The following SPRYD7 variants were observed in gnomAD, a reference collection of about 807,000 sequenced individuals.
The protein encoded by SPRYD7 is SPRY domain containing 7, also known as SPRY domain-containing protein 7.
Under a neutral mutation model 23.8 loss-of-function variants are expected in SPRYD7, and 14 were observed. That is an observed-to-expected ratio of 0.59 (90% CI 0.39 to 0.92). SPRYD7 has a LOEUF of 0.92. Among genes scored for constraint, SPRYD7 ranks in the 40% least tolerant of loss-of-function variants. SPRYD7 has a pLI of 0.00. For synonymous variants in SPRYD7, 75 were observed against 84.9 expected, an observed-to-expected ratio of 0.88 and a Z score of 0.64; for missense variants, 194 against 241.7, an observed-to-expected ratio of 0.80 and a Z score of 1.31.
In SPRYD7 at chr13:49,934,106, A is replaced by T. The variant is rs190776897; in HGVS notation, c.106+2024T>A. On this transcript the variant is annotated intron_variant, in intron 1 of 4. Coordinates refer to ENST00000361840, the MANE Select transcript of SPRYD7 (RefSeq NM_020456.4). ...GTTATTTAATATAATAATCTTTCAC[A>T]CCACCAAATCCATGTGTTTCTATTT... 1.5e-3 allele frequency among the ~76,000 whole-genome samples: 231 copies of T among 152,090 alleles called. 3 individuals carry two copies. Among genetic ancestry groups the T allele is most frequent in the Admixed American group, 0.012 (190 of 15,276 alleles).
chr13:49,936,022 TCGCCGGCGCGGCGGGGCAGCGTGGGGACC>T, intron 1 of SPRYD7, 79 bp downstream of exon 1: 1 of 595,404 alleles, frequency 1.7e-6, no homozygotes, highest in Non-Finnish European at 2.7e-6. Context: ...CGGCGCAGCG[TCGCCGGCGCGGCGGGGCAGCGTGGGGACC>T]CTCTGACCCT....
intron 3 of SPRYD7, among the ~76,000 whole-genome samples, chr13:49,926,761 T>G (rs1317390694): frequency 6.6e-6 from 1 of 152,218 alleles, no homozygotes; most frequent in Non-Finnish European, 1.5e-5. Flanking sequence ...AGAATCCTTC[T>G]CTCATTATTC....
Position 49,936,121 on chromosome 13 carries a change from G to A in SPRYD7, c.106+9C>T. On this transcript the variant is annotated intron_variant, in intron 1 of 4. Coordinates refer to ENST00000361840, the MANE Select transcript of SPRYD7 (RefSeq NM_020456.4). ...GAGCCGTTGGGTCTGGGGAAGGGAG[G>A]GCCCTTACCCATGTGCTGCGTGTCC... 6.3e-7 allele frequency: 1 copy of A among 1,577,546 alleles called. No individual in the cohort carries two copies.
At chr13:49,927,688 A>G (rs1321346553) in intron 3 of SPRYD7, among the ~76,000 whole-genome samples, 2 of 152,184 alleles carry the variant, frequency 1.3e-5, no homozygotes, top group African/African-American at 4.8e-5. Flanking sequence ...CAGAGTAGAA[A>G]TAAGGGTTCA....
At chr13:49,934,284 G>A (rs2897794) in intron 1 of SPRYD7, among the ~76,000 whole-genome samples, 12,700 of 152,012 alleles carry the variant, frequency 0.084, 1,363 homozygotes, top group East Asian at 0.53. Context: ...CTGGCCGGGC[G>A]TGGTGGCTCA....
chr13:49,934,561 A>G (rs1035657863), intron 1 of SPRYD7, among the ~76,000 whole-genome samples: 1 of 143,872 alleles, frequency 7.0e-6, no homozygotes, highest in African/African-American at 2.7e-5. Flanking sequence ...GTCTCAAAAA[A>G]AAAAAAAAAA....
intron 3 of SPRYD7, among the ~76,000 whole-genome samples, chr13:49,923,315 C>T (rs1675550002): frequency 6.6e-6 from 1 of 152,034 alleles, no homozygotes; most frequent in South Asian, 2.1e-4. Context: ...ATGATCTTGG[C>T]TCACTGCAAC....
In SPRYD7 at chr13:49,936,330, G is replaced by C. The variant is rs1871634458; in HGVS notation, c.-95C>G. On this transcript the variant is annotated 5_prime_UTR_variant, in exon 1 of 5. Coordinates refer to ENST00000361840, the MANE Select transcript of SPRYD7 (RefSeq NM_020456.4). The stretch of plus-strand genomic sequence containing the variant: ...GTCTCCTGCCCCCGCCCGAGGTCCG[G>C]ACTTGTCTATGTGGAGCTCGGAGGC... The C allele has an allele frequency of 1.2e-6, 1 of 868,814 alleles. No homozygotes were observed. The highest frequency in any genetic ancestry group is 1.7e-5 in the African/African-American group (1 of 57,498). 53.8% of individuals were successfully genotyped at this position (868,814 alleles called of 1,614,324 possible).
intron 4 of SPRYD7, among the ~76,000 whole-genome samples, chr13:49,920,026 A>G (rs1452768261): frequency 6.6e-6 from 1 of 152,044 alleles, no homozygotes; most frequent in Non-Finnish European, 1.5e-5. Flanking sequence ...TTATTATACT[A>G]TTCTTTTTAC....
intron 4 of SPRYD7, among the ~76,000 whole-genome samples, chr13:49,920,390 A>G (rs1955805010): frequency 6.6e-6 from 1 of 152,242 alleles, no homozygotes; most frequent in Non-Finnish European, 1.5e-5. Flanking sequence ...CAGTCTACAT[A>G]AAATTCCCAT....
intron 3 of SPRYD7, among the ~76,000 whole-genome samples, chr13:49,924,997 T>A (rs575693751): frequency 0.019 from 1,544 of 82,810 alleles, 71 homozygotes; most frequent in Admixed American, 0.12. Flanking sequence ...AATAAATAAA[T>A]AATAATAATA....
chr13:49,924,274 A>C (rs1291033542), intron 3 of SPRYD7, among the ~76,000 whole-genome samples: 1 of 151,920 alleles, frequency 6.6e-6, no homozygotes, highest in African/African-American at 2.4e-5. Flanking sequence ...GGCGTGAGCC[A>C]CCGCACCCGG....
chr13:49,917,052 T>C (rs1480447791), intron 4 of SPRYD7, among the ~76,000 whole-genome samples: 2 of 152,322 alleles, frequency 1.3e-5, no homozygotes, highest in Non-Finnish European at 2.9e-5. Flanking sequence ...CTGAAAATTA[T>C]TGAGAGCTCA....
intron 4 of SPRYD7, among the ~76,000 whole-genome samples, chr13:49,920,280 C>CA (rs1204215673): frequency 7.0e-6 from 1 of 141,996 alleles, no homozygotes; most frequent in African/African-American, 2.7e-5. Context: ...CAAAACAAAA[C>CA]AAAAAAACAA....
intron 3 of SPRYD7, 39 bp from the exon 4 acceptor site, chr13:49,921,619 G>T: frequency 1.5e-6 from 2 of 1,310,480 alleles, no homozygotes; most frequent in African/African-American, 1.4e-5. Context: ...TAAAAGCTGA[G>T]CCGTCAGAAA....
At chr13:49,925,335 T>C (rs1955870004) in intron 3 of SPRYD7, among the ~76,000 whole-genome samples, 1 of 152,032 alleles carries the variant, frequency 6.6e-6, no homozygotes, top group Admixed American at 6.6e-5. Context: ...GAGGTTGCAG[T>C]GAGCCGAGAT....
chr13:49,918,952 G>A (rs1335524720), intron 4 of SPRYD7, among the ~76,000 whole-genome samples: 1 of 151,588 alleles, frequency 6.6e-6, no homozygotes, highest in East Asian at 2.0e-4. Flanking sequence ...CTGACATCAA[G>A]TGATCCACCG....
chr13:49,916,866 GC>G (rs1383682767), intron 4 of SPRYD7, among the ~76,000 whole-genome samples: 1 of 152,166 alleles, frequency 6.6e-6, no homozygotes, highest in East Asian at 1.9e-4. Context: ...TTTGCAACAT[GC>G]AGAGTACCAC....
chr13:49,916,245 A>G (rs1955750029), intron 4 of SPRYD7, among the ~76,000 whole-genome samples: 1 of 152,178 alleles, frequency 6.6e-6, no homozygotes, highest in African/African-American at 2.4e-5. Flanking sequence ...GGGCCAAGAA[A>G]ATGTTCTATT....
Sources: gnomAD v4.1 joint callset for allele counts (sites outside exome capture counted in the v4.1 genomes callset) on GRCh38, gnomAD v4.1.1 for gene constraint, MANE v1.5 for transcripts, NCBI Gene and HGNC (gene_info 2026-07-23, HGNC 2026-07-21) for gene names.